PDHA1: variants seen among roughly 807,000 people sequenced by gnomAD.
PDHA1 encodes pyruvate dehydrogenase E1 component subunit alpha, somatic form, mitochondrial.
A neutral mutation model predicts 33.0 loss-of-function variants in PDHA1; 1 was observed. The observed-to-expected ratio is 0.03, with a 90% CI of 0.01 to 0.14. The LOEUF is 0.14. PDHA1 is among the 10% of genes least tolerant of loss of function. PDHA1 has a pLI of 1.00. For missense variants in PDHA1, 168 were observed against 325.1 expected (o/e 0.52, Z 3.72); for synonymous variants, 123 against 119.2 (o/e 1.03, Z -0.21).
chrX:19,361,339 C>G lies in PDHA1; in HGVS notation c.*1686C>G. The G allele has an allele frequency of 8.4e-7, 1 of 1,197,102 alleles. No homozygotes were observed. Among genetic ancestry groups the G allele is most frequent in the African/African-American group, 1.7e-5 (1 of 57,601 alleles). On this transcript the variant is annotated 3_prime_UTR_variant, in exon 11 of 11. Transcript: ENST00000422285. ...ATACAAACTGTTTTGAGGCTCTTAC[C>G]GTAGTCGAAGGTATCTTAGATCTTC...
intron 1 of PDHA1, among the ~76,000 whole-genome samples, chrX:19,346,015 T>C (rs1028921669): frequency 4.4e-5 from 5 of 112,405 alleles, no homozygotes; most frequent in African/African-American, 1.6e-4. Flanking sequence ...TTCATACTTA[T>C]GGATGTCTTT....
chrX:19,344,200 A>T (rs1032044625), intron 1 of PDHA1, 106 bp downstream of exon 1: 2 of 687,147 alleles, frequency 2.9e-6, no homozygotes, highest in East Asian at 7.0e-5. Flanking sequence ...GGAAGGCGCC[A>T]GGGGAGCCGG....
rs1253573361 is a variant in PDHA1 at position 19,360,205 on chromosome X, T to A, written c.*552T>A. ...CATTCAGTATAAATATGAAGCTATT[T>A]TCTGTTCATATCAAACATTAACTAC... On this transcript the variant is annotated 3_prime_UTR_variant, in exon 11 of 11. Coordinates refer to ENST00000422285, the MANE Select transcript of PDHA1 (RefSeq NM_000284.4). The A allele has an allele frequency of 7.3e-6, 1 of 136,775 alleles. No homozygotes were observed. The highest frequency in any genetic ancestry group is 2.2e-4 in the East Asian group (1 of 4,508). The allele number at this position is 136,775 out of a possible 1,213,427, so 11.3% of individuals were successfully genotyped here. A position where few individuals can be genotyped will look rare whatever the true frequency, so the allele number is the denominator to read the frequency against.
chrX:19,344,154 G>GCAGGGCGGGC, intron 1 of PDHA1, 60 bp downstream of exon 1: 1 of 1,047,691 alleles, frequency 9.5e-7, no homozygotes, highest in African/African-American at 1.8e-5. Flanking sequence ...GGGCCGGAGG[G>GCAGGGCGGGC]CAGGGCGGGC....
rs1182695928 is a variant in PDHA1, at chrX:19,344,290, G to C, written c.57+196G>C. Among the ~76,000 whole-genome samples, 20 of 112,971 alleles carry C rather than the reference G, an allele frequency of 1.8e-4. No individual in the cohort carries two copies. In the Admixed American group the frequency reaches 1.9e-3, roughly 10 times the overall value. On this transcript the variant is annotated intron_variant, in intron 1 of 10. Transcript: ENST00000422285. ...CGGCACGGACCGGGATCACGCCAAG[G>C]TCCGTGTGAACTTCCCCCTTCTCGA...
At position 19,353,177 on chromosome X, in the gene PDHA1, G is replaced by A. The variant is rs1161400511; in HGVS notation, c.510+4G>A. ...CAATGGCATCGTGGGAGCGCAGGTA[G>A]TCAAGGACGAGGATTGTGTGCTGCT... is the stretch of plus-strand genomic sequence containing the variant. On this transcript the variant is annotated splice_donor_region_variant and intron_variant, in intron 5 of 10. Coordinates refer to ENST00000422285, the MANE Select transcript of PDHA1 (RefSeq NM_000284.4). The A allele has an allele frequency of 1.9e-5, 22 of 1,184,023 alleles. No homozygotes were observed. The highest frequency in any genetic ancestry group is 2.5e-5 in the Non-Finnish European group (22 of 869,960).
At position 19,343,950 on chromosome X, in the gene PDHA1, G is replaced by A. The variant is rs5955751; in HGVS notation, c.-88G>A. On this transcript the variant is annotated 5_prime_UTR_variant, in exon 1 of 11. Coordinates refer to ENST00000422285, the MANE Select transcript of PDHA1 (RefSeq NM_000284.4). The stretch of plus-strand genomic sequence containing the variant: ...GCGGTGCGACTGAGGCGTGGCGTCT[G>A]CTGGGGCACCTGAAGGAGACTTGGG... The A allele has an allele frequency of 0.034, 29,479 of 857,001 alleles. 549 individuals carry two copies. The highest frequency in any genetic ancestry group is 0.14 in the South Asian group (6,787 of 48,120). 70.6% of individuals were successfully genotyped at this position (857,001 alleles called of 1,213,427 possible). A position where few individuals can be genotyped will look rare whatever the true frequency, so the allele number is the denominator to read the frequency against.
chrX:19,355,444 T>C lies in PDHA1; in HGVS notation c.699T>C (p.Val233=), dbSNP rs1279461531. The part of the protein sequence containing the change: ...ENNRYGMGTS[V]ERAAASTDYY... ...ATCGCTATGGAATGGGAACGTCTGT[T>C]GAGAGAGCGGCAGCCAGCACTGATT... Residue 233 remains valine (V), a synonymous_variant, in exon 7 of 11, where the codon GTT becomes GTC. Coordinates refer to ENST00000422285, the MANE Select transcript of PDHA1 (RefSeq NM_000284.4). 3.3e-6 allele frequency: 4 copies of C among 1,210,621 alleles called. No homozygotes were observed. The highest frequency in any genetic ancestry group is 4.5e-6 in the Non-Finnish European group (4 of 895,069).
intron 9 of PDHA1, among the ~76,000 whole-genome samples, chrX:19,358,256 G>GAATA (rs779882416): frequency 8.9e-6 from 1 of 112,437 alleles, no homozygotes; most frequent in East Asian, 2.8e-4. Flanking sequence ...TGACACAGTT[G>GAATA]AATAAATAAG....
rs749812407 is a variant in PDHA1, at chrX:19,360,184, C to T, written c.*531C>T. The stretch of plus-strand genomic sequence containing the variant: ...ACTTAGTTTTCTCTACTTACACATT[C>T]AGTATAAATATGAAGCTATTTTCTG... On this transcript the variant is annotated 3_prime_UTR_variant, in exon 11 of 11. Transcript: ENST00000422285. 6.8e-5 allele frequency: 10 copies of T among 146,194 alleles called. No homozygotes were observed. Among genetic ancestry groups the T allele is most frequent in the African/African-American group, 2.8e-4 (9 of 31,650 alleles). The allele number at this position is 146,194 out of a possible 1,213,427, so 12.0% of individuals were successfully genotyped here. A position where few individuals can be genotyped will look rare whatever the true frequency, so the allele number is the denominator to read the frequency against.
At chrX:19,355,831 T>A in intron 8 of PDHA1, 74 bp downstream of exon 8, 2 of 782,078 alleles carry the variant, frequency 2.6e-6, no homozygotes, top group South Asian at 2.1e-5. Context: ...ATGTGCCTGC[T>A]GAAGCTGTTA....
intron 5 of PDHA1, 85 bp from the exon 6 acceptor site, chrX:19,354,406 G>A: frequency 1.7e-6 from 1 of 594,914 alleles, no homozygotes; most frequent in Admixed American, 2.2e-5. Flanking sequence ...GTCAGATTCT[G>A]GCCAGGAGTG....
chrX:19,356,530 C>A (rs768653249), intron 8 of PDHA1, among the ~76,000 whole-genome samples: 5 of 111,717 alleles, frequency 4.5e-5, no homozygotes, highest in African/African-American at 1.6e-4. Flanking sequence ...AGGACCAAGA[C>A]TACAGCTTGG....
At chrX:19,355,798 T>G in intron 8 of PDHA1, 41 bp downstream of exon 8, 6 of 1,031,588 alleles carry the variant, frequency 5.8e-6, no homozygotes, top group African/African-American at 3.8e-5. Flanking sequence ...CATTTATCTC[T>G]GGAAGTTCAA....
intron 8 of PDHA1, among the ~76,000 whole-genome samples, chrX:19,356,779 G>A (rs2063203487): frequency 3.4e-5 from 3 of 88,832 alleles, no homozygotes; most frequent in Middle Eastern, 0.011. Context: ...CAAGGAAACT[G>A]AGCCATAGAG....
chrX:19,352,097 G>A (rs2063167243), intron 4 of PDHA1, among the ~76,000 whole-genome samples: 1 of 110,334 alleles, frequency 9.1e-6, no homozygotes, highest in Non-Finnish European at 1.9e-5. Flanking sequence ...CACCGCACCT[G>A]GCCTGTTTTG....
intron 1 of PDHA1, among the ~76,000 whole-genome samples, chrX:19,345,572 T>TTTAA (rs2063125797): frequency 3.3e-5 from 1 of 30,263 alleles, no homozygotes; most frequent in African/African-American, 9.5e-5. Flanking sequence ...CTCCGTATTT[T>TTTAA]AAAAAAAAAA....
At chrX:19,346,186 A>G (rs1442413781) in intron 1 of PDHA1, among the ~76,000 whole-genome samples, 1 of 112,090 alleles carries the variant, frequency 8.9e-6, no homozygotes, top group Admixed American at 9.5e-5. Context: ...GACTCCTACC[A>G]TCTGTGTGAT....
At position 19,360,747 on chromosome X, in the gene PDHA1, T is replaced by C; in HGVS notation, c.*1094T>C. ...ACTCTGCCACAGCTTAGCTGATTGG[T>C]ATCAAGCCTTGTCTTTGGTTTCTGA... On this transcript the variant is annotated 3_prime_UTR_variant, in exon 11 of 11. Coordinates refer to ENST00000422285, the MANE Select transcript of PDHA1 (RefSeq NM_000284.4). 8.3e-7 allele frequency: 1 copy of C among 1,199,430 alleles called. No homozygotes were observed. The highest frequency in any genetic ancestry group is 1.1e-6 in the Non-Finnish European group (1 of 885,903).
Sources: allele counts gnomAD v4.1 joint callset (sites outside exome capture counted in the v4.1 genomes callset), GRCh38; gene constraint gnomAD v4.1.1; transcripts MANE v1.5; gene names NCBI Gene and HGNC (gene_info 2026-07-23, HGNC 2026-07-21).